Variants in SLC24A3 observed in about 807,000 individuals in gnomAD.
SLC24A3 encodes the protein solute carrier family 24 member 3.
A neutral mutation model predicts 75.8 loss-of-function variants in SLC24A3; 28 were observed. The observed-to-expected ratio is 0.37, with a 90% CI of 0.27 to 0.51. The LOEUF is 0.51. Ranked by LOEUF, SLC24A3 falls within the 20% of genes least tolerant of loss-of-function variation. SLC24A3 has a pLI of 0.94. For synonymous variants in SLC24A3, 372 were observed against 334.1 expected, an observed-to-expected ratio of 1.11 and a Z score of -1.24; for missense variants, 663 against 847.8, an observed-to-expected ratio of 0.78 and a Z score of 2.71.
At chr20:19,369,014 A>C (rs1442898379) in intron 2 of SLC24A3, among the ~76,000 whole-genome samples, 1 of 152,268 alleles carries the variant, frequency 6.6e-6, no homozygotes, top group Non-Finnish European at 1.5e-5. Flanking sequence ...TGATGGAATT[A>C]GAAAAATTAC....
At chr20:19,675,694 C>T (rs896979687) in intron 9 of SLC24A3, among the ~76,000 whole-genome samples, 2 of 152,196 alleles carry the variant, frequency 1.3e-5, no homozygotes, top group African/African-American at 4.8e-5. Context: ...CCAGAAGTTA[C>T]ACACCGTAGA....
At chr20:19,299,793 C>T (rs1984153841) in intron 2 of SLC24A3, among the ~76,000 whole-genome samples, 1 of 152,148 alleles carries the variant, frequency 6.6e-6, no homozygotes, top group South Asian at 2.1e-4. Flanking sequence ...TTCCTGGCTT[C>T]AGAGTCAAAA....
intron 1 of SLC24A3, among the ~76,000 whole-genome samples, chr20:19,276,493 A>T (rs1983489980): frequency 6.6e-6 from 1 of 152,182 alleles, no homozygotes. Context: ...TAGGCTAAAA[A>T]CCTGTACGGC....
At chr20:19,461,955 T>C (rs532966054) in intron 2 of SLC24A3, among the ~76,000 whole-genome samples, 1 of 152,328 alleles carries the variant, frequency 6.6e-6, no homozygotes, top group African/African-American at 2.4e-5. Flanking sequence ...TATTCAGTGG[T>C]TGGTCAAGGA....
intron 2 of SLC24A3, among the ~76,000 whole-genome samples, chr20:19,428,193 G>A (rs1240702506): frequency 6.6e-6 from 1 of 152,176 alleles, no homozygotes; most frequent in Non-Finnish European, 1.5e-5. Context: ...TATTGCAGTT[G>A]CTGTTTGTTC....
chr20:19,423,583 C>A (rs142700588), intron 2 of SLC24A3, among the ~76,000 whole-genome samples: 111 of 152,198 alleles, frequency 7.3e-4, no homozygotes, highest in African/African-American at 2.6e-3. Context: ...GTATAGGCAC[C>A]GAACTTATTG....
intron 2 of SLC24A3, among the ~76,000 whole-genome samples, chr20:19,473,703 C>A (rs745612431): frequency 1.8e-4 from 28 of 152,350 alleles, no homozygotes; most frequent in Middle Eastern, 3.4e-3. Flanking sequence ...TCATACCAGA[C>A]TCTCTCAGGG....
intron 6 of SLC24A3, among the ~76,000 whole-genome samples, chr20:19,653,345 A>T (rs1488330997): frequency 6.6e-6 from 1 of 152,234 alleles, no homozygotes; most frequent in Non-Finnish European, 1.5e-5. Flanking sequence ...AAAAAGGGCT[A>T]TCTCCAAATG....
intron 2 of SLC24A3, among the ~76,000 whole-genome samples, chr20:19,369,032 C>T (rs1985945364): frequency 6.6e-6 from 1 of 152,210 alleles, no homozygotes; most frequent in South Asian, 2.1e-4. Context: ...TACCATTTGA[C>T]AATCATCATC....
intron 2 of SLC24A3, among the ~76,000 whole-genome samples, chr20:19,477,233 C>T (rs1442334967): frequency 1.3e-5 from 2 of 152,108 alleles, no homozygotes; most frequent in Non-Finnish European, 2.9e-5. Context: ...ACTGCTGAAG[C>T]AAGCAGGAGA....
chr20:19,329,611 G>A (rs540132684), intron 2 of SLC24A3, among the ~76,000 whole-genome samples: 1 of 152,366 alleles, frequency 6.6e-6, no homozygotes, highest in South Asian at 2.1e-4. Context: ...TATTTTGTAT[G>A]CAGTATTATT....
intron 2 of SLC24A3, among the ~76,000 whole-genome samples, chr20:19,346,689 G>A (rs1466840319): frequency 2.0e-5 from 3 of 152,066 alleles, no homozygotes; most frequent in Non-Finnish European, 1.5e-5. Flanking sequence ...GGGAACTCAG[G>A]GGAAAGGGTG....
intron 6 of SLC24A3, among the ~76,000 whole-genome samples, chr20:19,616,663 A>G (rs1415735245): frequency 1.3e-5 from 2 of 152,146 alleles, no homozygotes; most frequent in African/African-American, 4.8e-5. Context: ...GGTTCCAGGA[A>G]GTGTCTAATC....
At chr20:19,684,087 G>A (rs1723277048) in intron 10 of SLC24A3, 89 bp from the exon 11 acceptor site, 2 of 1,434,848 alleles carry the variant, frequency 1.4e-6, no homozygotes, top group Admixed American at 1.8e-5. Context: ...AAGGGAGGAA[G>A]AGAAAAGAAG....
chr20:19,627,724 C>T (rs1325266284), intron 6 of SLC24A3, among the ~76,000 whole-genome samples: 1 of 152,118 alleles, frequency 6.6e-6, no homozygotes, highest in African/African-American at 2.4e-5. Context: ...CCATGGTGCC[C>T]ACCCTTGAGA....
intron 2 of SLC24A3, among the ~76,000 whole-genome samples, chr20:19,367,144 A>G (rs907136204): frequency 4.6e-5 from 7 of 152,242 alleles, no homozygotes; most frequent in African/African-American, 1.2e-4. Flanking sequence ...TTTAATTCAC[A>G]TTTACATTTA....
chr20:19,638,052 C>T (rs1291962953), intron 6 of SLC24A3, among the ~76,000 whole-genome samples: 1 of 152,100 alleles, frequency 6.6e-6, no homozygotes, highest in Non-Finnish European at 1.5e-5. Context: ...TAGACCCATC[C>T]TCTAAGTTCC....
chr20:19,252,981 G>A (rs914559740), intron 1 of SLC24A3, among the ~76,000 whole-genome samples: 1 of 152,230 alleles, frequency 6.6e-6, no homozygotes, highest in Non-Finnish European at 1.5e-5. Flanking sequence ...TGCTTCGCCT[G>A]TTGGAGTGAA....
intron 6 of SLC24A3, among the ~76,000 whole-genome samples, chr20:19,648,878 T>C (rs1455453164): frequency 2.0e-5 from 3 of 152,174 alleles, no homozygotes; most frequent in Non-Finnish European, 4.4e-5. Flanking sequence ...AAGATGAAAT[T>C]CCAGCTGGGT....
Sources: gnomAD v4.1 joint callset for allele counts (sites outside exome capture counted in the v4.1 genomes callset) on GRCh38, gnomAD v4.1.1 for gene constraint, MANE v1.5 for transcripts, NCBI Gene and HGNC (gene_info 2026-07-23, HGNC 2026-07-21) for gene names.